NUCKS1: variants seen among roughly 807,000 people sequenced by gnomAD.
NUCKS1 encodes nuclear ubiquitous casein and cyclin-dependent kinase substrate 1.
A neutral mutation model predicts 33.0 loss-of-function variants in NUCKS1; 2 were observed. The observed-to-expected ratio is 0.06, with a 90% confidence interval of 0.02 to 0.19. The LOEUF is 0.19. Ranked by LOEUF, NUCKS1 falls within the 10% of genes least tolerant of loss-of-function variation. NUCKS1 has a pLI of 1.00. For missense variants in NUCKS1, 201 were observed against 293.6 expected (o/e 0.68, Z 2.31); for synonymous variants, 106 against 102.8 (o/e 1.03, Z -0.19).
intron 3 of NUCKS1, among the ~76,000 whole-genome samples, chr1:205,725,991 G>A (rs1245183952): frequency 6.6e-6 from 1 of 152,154 alleles, no homozygotes; most frequent in Non-Finnish European, 1.5e-5. Context: ...ACGAGGTCAG[G>A]AGTTCAAGAC....
intron 1 of NUCKS1, among the ~76,000 whole-genome samples, chr1:205,742,279 T>C (rs1007687278): frequency 3.9e-5 from 6 of 152,164 alleles, no homozygotes; most frequent in Admixed American, 1.3e-4. Flanking sequence ...CAAATAATAG[T>C]AACACCTAAG....
intron 1 of NUCKS1, among the ~76,000 whole-genome samples, chr1:205,741,279 G>A (rs1399577945): frequency 1.5e-5 from 2 of 129,980 alleles, no homozygotes; most frequent in African/African-American, 6.1e-5. Context: ...CAGCCTGGGC[G>A]ACAGAGCGAG....
Position 205,729,496 on chromosome 1 carries a change from G to A in NUCKS1, c.67+76C>T, listed in dbSNP as rs919906471. The A allele has an allele frequency of 2.4e-5, 23 of 972,472 alleles. 1 individual carries two copies. The Admixed American group carries it at 4.5e-4, about 19-fold the overall frequency. The allele number at this position is 972,472 out of a possible 1,614,324, so 60.2% of individuals were successfully genotyped here. On this transcript the variant is annotated intron_variant, in intron 2 of 6. Transcript: ENST00000367142. ...TAAAAAAGTAAAACTTATTCCAAAA[G>A]CATAATAAAACTATATAAGCTGGTA...
chr1:205,744,058 T>A (rs1654249594), intron 1 of NUCKS1, among the ~76,000 whole-genome samples: 1 of 152,202 alleles, frequency 6.6e-6, no homozygotes, highest in African/African-American at 2.4e-5. Flanking sequence ...TCCTGTCAGG[T>A]GTATCTCCCC....
chr1:205,746,218 C>T (rs982492696), intron 1 of NUCKS1, among the ~76,000 whole-genome samples: 1 of 151,920 alleles, frequency 6.6e-6, no homozygotes, highest in East Asian at 1.9e-4. Context: ...TCACTTGAAC[C>T]CGGGAGGTGG....
At chr1:205,724,866 T>C (rs1254345922) in intron 3 of NUCKS1, among the ~76,000 whole-genome samples, 3 of 152,188 alleles carry the variant, frequency 2.0e-5, no homozygotes, top group Non-Finnish European at 4.4e-5. Context: ...TGCCTGGTGG[T>C]ACCATGAAGA....
intron 1 of NUCKS1, among the ~76,000 whole-genome samples, chr1:205,743,840 T>C (rs1311753835): frequency 6.6e-6 from 1 of 152,240 alleles, no homozygotes; most frequent in Non-Finnish European, 1.5e-5. Flanking sequence ...AGTGTACTCA[T>C]TGGTTTCAGT....
At chr1:205,731,003 G>A (rs1030252420) in intron 1 of NUCKS1, among the ~76,000 whole-genome samples, 1 of 152,078 alleles carries the variant, frequency 6.6e-6, no homozygotes, top group Non-Finnish European at 1.5e-5. Flanking sequence ...CAAGGCAAAA[G>A]CAATTTTTAG....
Position 205,718,450 on chromosome 1 carries a change from T to C in NUCKS1, c.562A>G (p.Lys188Glu). ...VTPSPVKGKG[K>E]VGRPTASKAS... ...TTTGAAGCTGTGGGGCGACCCACTTTCCCTTTGCCTTTCACTGGACTTGGC... is the reference window on the plus strand; with the variant it reads ...TTTGAAGCTGTGGGGCGACCCACTTCCCCTTTGCCTTTCACTGGACTTGGC... Residue 188 changes from lysine to glutamate, a missense_variant, in exon 7 of 7, where the codon AAA (lysine) becomes GAA (glutamate). Coordinates refer to ENST00000367142, the MANE Select transcript of NUCKS1 (RefSeq NM_022731.5). 1.2e-6 allele frequency: 2 copies of C among 1,612,324 alleles called. No homozygotes were observed. Among genetic ancestry groups the C allele is most frequent in the Non-Finnish European group, 1.7e-6 (2 of 1,179,794 alleles).
At chr1:205,742,828 G>GA (rs542619600) in intron 1 of NUCKS1, among the ~76,000 whole-genome samples, 1,805 of 150,596 alleles carry the variant, frequency 0.012, 33 homozygotes, top group African/African-American at 0.042. Context: ...CGGTCTCAAA[G>GA]AAAAAAAAAT....
chr1:205,719,406 T>C lies in NUCKS1; in HGVS notation c.532+121A>G, dbSNP rs868562343. The C allele has an allele frequency of 2.5e-4, 244 of 977,330 alleles. 1 individual carries two copies. In the Middle Eastern group the frequency reaches 4.7e-3, roughly 19 times the overall value. 60.5% of individuals were successfully genotyped at this position (977,330 alleles called of 1,614,324 possible). ...GCAGAATACAAGACCCTTTTAGATT[T>C]CTTGTATTCCTGCTAAACATCAGGC... On this transcript the variant is annotated intron_variant, in intron 6 of 6. Coordinates refer to ENST00000367142, the MANE Select transcript of NUCKS1 (RefSeq NM_022731.5).
intron 1 of NUCKS1, among the ~76,000 whole-genome samples, chr1:205,738,327 C>G (rs1462627627): frequency 6.6e-6 from 1 of 151,826 alleles, no homozygotes; most frequent in East Asian, 1.9e-4. Context: ...CATGCCCAGC[C>G]TATTTATTTT....
intron 1 of NUCKS1, among the ~76,000 whole-genome samples, chr1:205,742,012 A>T (rs1312495378): frequency 2.6e-5 from 4 of 152,208 alleles, no homozygotes; most frequent in African/African-American, 4.8e-5. Flanking sequence ...AGCAGTAGTC[A>T]CTCAAGGAAG....
chr1:205,720,149 T>C (rs1442594742), intron 5 of NUCKS1, among the ~76,000 whole-genome samples: 1 of 152,192 alleles, frequency 6.6e-6, no homozygotes, highest in Non-Finnish European at 1.5e-5. Flanking sequence ...ATTATTAACA[T>C]GTTTTTTTCT....
Position 205,729,640 on chromosome 1 carries a change from C to G in NUCKS1, c.18-19G>C. The G allele has an allele frequency of 6.4e-7, 1 of 1,567,516 alleles. No individual in the cohort carries two copies. On this transcript the variant is annotated intron_variant, in intron 1 of 6. Coordinates refer to ENST00000367142, the MANE Select transcript of NUCKS1 (RefSeq NM_022731.5). ...CCTATTTCTGTAGAAAGAAGAGACT[C>G]TAATTAAAATCATAAAACTGTAGGA...
rs966222519 is a variant in NUCKS1 at position 205,714,885 on chromosome 1, T to C, written c.*3395A>G. On this transcript the variant is annotated 3_prime_UTR_variant, in exon 7 of 7. Transcript: ENST00000367142. ...TACCAATGATGCAGGCAAAGAACTG[T>C]TCAAGCCAGCACTCATTCTTCAAAG... 2 of 152,198 alleles carry C rather than the reference T, an allele frequency of 1.3e-5. No homozygotes were observed. Among genetic ancestry groups the C allele is most frequent in the Non-Finnish European group, 2.9e-5 (2 of 68,030 alleles). The allele number at this position is 152,198 out of a possible 1,614,324, so 9.4% of individuals were successfully genotyped here. A position where few individuals can be genotyped will look rare whatever the true frequency, so the allele number is the denominator to read the frequency against.
In NUCKS1 at chr1:205,750,099, C is replaced by G; in HGVS notation, c.-126G>C. ...ACCGCTGCTGCCGAACCCCGAGCTG[C>G]TGGCTTCTCAAACTCCGCTGCTCTT... On this transcript the variant is annotated 5_prime_UTR_variant, in exon 1 of 7. Transcript: ENST00000367142. The G allele has an allele frequency of 9.9e-7, 1 of 1,014,988 alleles. No individual in the cohort carries two copies. The highest frequency in any genetic ancestry group is 1.7e-5 in the African/African-American group (1 of 60,278). The allele number at this position is 1,014,988 out of a possible 1,614,324, so 62.9% of individuals were successfully genotyped here. A position where few individuals can be genotyped will look rare whatever the true frequency, so the allele number is the denominator to read the frequency against.
Position 205,719,664 on chromosome 1 carries a change from C to T in NUCKS1, c.395G>A (p.Ser132Asn), listed in dbSNP as rs1453542284. The T allele has an allele frequency of 2.5e-6, 4 of 1,607,758 alleles. No individual in the cohort carries two copies. Among genetic ancestry groups the T allele is most frequent in the Non-Finnish European group, 2.5e-6 (3 of 1,178,492 alleles). Reference protein sequence around the residue: ...EAPFQEKDSGSDEDFLMEDDD... With the variant: ...EAPFQEKDSGNDEDFLMEDDD... ...ATCTTCCATTAGGAAATCTTCATCG[C>T]TGCCGGAATCTTCTGAGAAGAAAGA... The change falls in exon 6 of 7, where the codon AGC becomes AAC. Residue 132 changes from serine (S) to asparagine (N), a missense_variant. Coordinates refer to ENST00000367142, the MANE Select transcript of NUCKS1 (RefSeq NM_022731.5).
chr1:205,721,954 G>A (rs907610040), intron 4 of NUCKS1, among the ~76,000 whole-genome samples: 2 of 151,938 alleles, frequency 1.3e-5, no homozygotes, highest in East Asian at 1.9e-4. Flanking sequence ...AATTACAGGC[G>A]TGAGCCACTG....
Sources: gnomAD v4.1 joint callset for allele counts (sites outside exome capture counted in the v4.1 genomes callset) on GRCh38, gnomAD v4.1.1 for gene constraint, MANE v1.5 for transcripts, NCBI Gene and HGNC (gene_info 2026-07-23, HGNC 2026-07-21) for gene names.